CACNA1C: variants seen among roughly 807,000 people sequenced by gnomAD.
CACNA1C encodes voltage-dependent L-type calcium channel subunit alpha-1C.
In CACNA1C, 30 loss-of-function variants were observed where a neutral mutation model predicts 229.0. The observed-to-expected ratio is 0.13, with a 90% CI of 0.10 to 0.18. The LOEUF is 0.18. Among genes scored for constraint, CACNA1C ranks in the 10% least tolerant of loss-of-function variants. The pLI is 1.00. For synonymous variants in CACNA1C, 1,114 were observed against 1,132.5 expected (o/e 0.98, Z 0.33); for missense variants, 1,658 against 2,845.0 (o/e 0.58, Z 9.49).
chr12:2,114,894 T>C (rs911711438), intron 1 of CACNA1C, among the ~76,000 whole-genome samples: 1 of 152,212 alleles, frequency 6.6e-6, no homozygotes, highest in Non-Finnish European at 1.5e-5. Flanking sequence ...TGTATTTTAA[T>C]TTCTAGGTAA....
intron 37 of CACNA1C, among the ~76,000 whole-genome samples, chr12:2,667,697 G>T (rs554574799): frequency 6.6e-6 from 1 of 152,176 alleles, no homozygotes; most frequent in Non-Finnish European, 1.5e-5. Flanking sequence ...TGTGGCCTCC[G>T]GACGGGCCTG....
chr12:2,198,072 C>T (rs1257720785), intron 3 of CACNA1C, among the ~76,000 whole-genome samples: 1 of 152,214 alleles, frequency 6.6e-6, no homozygotes, highest in Non-Finnish European at 1.5e-5. Context: ...GCTTGCCTGG[C>T]CCAGAGGGTG....
At chr12:2,090,593 C>T (rs1327892723) in intron 1 of CACNA1C, among the ~76,000 whole-genome samples, 3 of 152,180 alleles carry the variant, frequency 2.0e-5, no homozygotes, top group African/African-American at 7.2e-5. Context: ...GCTGGGATTA[C>T]AGGCATGAGC....
chr12:2,163,052 G>A (rs1041920215), intron 3 of CACNA1C, among the ~76,000 whole-genome samples: 7 of 151,944 alleles, frequency 4.6e-5, no homozygotes, highest in Non-Finnish European at 1.0e-4. Flanking sequence ...TACAAAATTA[G>A]CCAGGCGTGG....
intron 3 of CACNA1C, among the ~76,000 whole-genome samples, chr12:2,307,521 G>A (rs532843769): frequency 9.9e-5 from 15 of 152,138 alleles, no homozygotes; most frequent in Non-Finnish European, 1.6e-4. Flanking sequence ...TGCTGGGGCC[G>A]AGATTCATGG....
chr12:2,071,587 A>G (rs2154524235), intron 1 of CACNA1C, among the ~76,000 whole-genome samples: 1 of 152,042 alleles, frequency 6.6e-6, no homozygotes. Flanking sequence ...CTGGAACTCT[A>G]TTATTAAAAC....
chr12:2,441,914 C>G (rs2099231834), intron 3 of CACNA1C, among the ~76,000 whole-genome samples: 1 of 152,300 alleles, frequency 6.6e-6, no homozygotes, highest in African/African-American at 2.4e-5. Flanking sequence ...GGAGTCAAAG[C>G]CTCCTTACTT....
At chr12:2,534,707 G>A (rs1244879208) in intron 9 of CACNA1C, among the ~76,000 whole-genome samples, 1 of 152,090 alleles carries the variant, frequency 6.6e-6, no homozygotes, top group Non-Finnish European at 1.5e-5. Context: ...CATCCATTAG[G>A]GCACGATCTT....
intron 3 of CACNA1C, among the ~76,000 whole-genome samples, chr12:2,185,271 T>C (rs1259345418): frequency 6.6e-6 from 1 of 152,094 alleles, no homozygotes. Context: ...AAGGGGACAG[T>C]CCTTCCTCCA....
At chr12:2,481,027 A>G (rs4765942) in intron 5 of CACNA1C, among the ~76,000 whole-genome samples, 97,119 of 151,510 alleles carry the variant, frequency 0.64, 31,885 homozygotes, top group East Asian at 0.88. Context: ...AAAAGAATAG[A>G]GTCCTTAAGA....
At chr12:2,525,996 A>G (rs761165341) in intron 9 of CACNA1C, among the ~76,000 whole-genome samples, 1 of 152,108 alleles carries the variant, frequency 6.6e-6, no homozygotes, top group Non-Finnish European at 1.5e-5. Context: ...TGTTGGGGAG[A>G]TAGATGGAAT....
intron 1 of CACNA1C, among the ~76,000 whole-genome samples, chr12:2,013,075 C>T (rs763677343): frequency 1.2e-4 from 19 of 152,168 alleles, no homozygotes; most frequent in Non-Finnish European, 2.4e-4. Context: ...CTTTTGGAGA[C>T]AATACAGCAA....
chr12:2,669,107 C>G (rs535192667), intron 38 of CACNA1C, 72 bp downstream of exon 38: 1 of 1,042,984 alleles, frequency 9.6e-7, no homozygotes, highest in Admixed American at 1.8e-5. Flanking sequence ...AGCTCGGCAG[C>G]CTGCAAAGTG....
chr12:2,671,925 C>T (rs1433922775), intron 38 of CACNA1C, among the ~76,000 whole-genome samples: 1 of 150,164 alleles, frequency 6.7e-6, no homozygotes, highest in East Asian at 1.9e-4. Context: ...AATCGAAACG[C>T]CCCCACCCAA....
chr12:2,261,985 G>C (rs2080425097), intron 3 of CACNA1C, among the ~76,000 whole-genome samples: 1 of 152,242 alleles, frequency 6.6e-6, no homozygotes, highest in Non-Finnish European at 1.5e-5. Context: ...GGGGGAGGGA[G>C]CCAGTCCAGT....
rs1322661079 is a variant in CACNA1C, at chr12:2,646,751, T to TGAGA, written c.3913-1711_3913-1708dup. Among the ~76,000 whole-genome samples the TGAGA allele has an allele frequency of 8.9e-6, 1 of 112,746 alleles. No individual in the cohort carries two copies. Among genetic ancestry groups the TGAGA allele is most frequent in the African/African-American group, 3.8e-5 (1 of 26,502 alleles). The allele number at this position is 112,746 out of a possible 152,430, so 74.0% of individuals were successfully genotyped here. On this transcript the variant is annotated intron_variant, in intron 30 of 46. Coordinates refer to ENST00000399655, the MANE Select transcript of CACNA1C (RefSeq NM_000719.7). This position sits in a 1 kb window ranked among gnomAD's most constrained non-coding sequence, Gnocchi z 4.6. The stretch of plus-strand genomic sequence containing the variant: ...GAAATTTCTTCTGTGCATGCCTGTA[T>TGAGA]GAGAGAGAGAGAGAGAAAGAGAGAG...
rs2051323009 is a variant in CACNA1C, at chr12:2,566,956, A to T, written c.1669+374A>T. ...TTCCTACAGCCCTGAGGTGGCCTTAACCAGAACACATGAGGATGGAATGAG... is the reference window on the plus strand; with the variant it reads ...TTCCTACAGCCCTGAGGTGGCCTTATCCAGAACACATGAGGATGGAATGAG... On this transcript the variant is annotated intron_variant, in intron 12 of 46. Transcript: ENST00000399655. The surrounding 1 kb of genome is among the most constrained non-coding windows in gnomAD (Gnocchi z 4.0). Among the ~76,000 whole-genome samples, 1 of 152,218 alleles carries T rather than the reference A, an allele frequency of 6.6e-6. No individual in the cohort carries two copies. Among genetic ancestry groups the T allele is most frequent in the Non-Finnish European group, 1.5e-5 (1 of 68,028 alleles).
At chr12:2,202,163 T>G (rs1007383977) in intron 3 of CACNA1C, among the ~76,000 whole-genome samples, 9 of 152,234 alleles carry the variant, frequency 5.9e-5, no homozygotes, top group Admixed American at 1.3e-4. Context: ...ATAAATTGGA[T>G]TGACTTAGAG....
intron 7 of CACNA1C, among the ~76,000 whole-genome samples, chr12:2,501,301 CTGAG>C (rs1453476765): frequency 6.6e-6 from 1 of 151,012 alleles, no homozygotes; most frequent in Non-Finnish European, 1.5e-5. Context: ...AGGACTTACT[CTGAG>C]AGAGGAAAAG....
Sources: allele counts gnomAD v4.1 joint callset (sites outside exome capture counted in the v4.1 genomes callset), GRCh38; gene constraint gnomAD v4.1.1; non-coding constraint Gnocchi (gnomAD v3.1); transcripts MANE v1.5; gene names NCBI Gene and HGNC (gene_info 2026-07-23, HGNC 2026-07-21).